The following CDKL4 variants were observed in gnomAD, a reference collection of about 807,000 sequenced individuals.
CDKL4 encodes the protein cyclin dependent kinase like 4.
CDKL4 carries 44 observed loss-of-function variants against 42.0 expected under a neutral mutation model. The observed-to-expected ratio is 1.05, with a 90% CI of 0.82 to 1.35. The LOEUF (loss-of-function observed/expected upper bound fraction) is 1.35, where lower values mean the gene tolerates loss of function less well. Ranked by LOEUF, CDKL4 falls within the 40% of genes most tolerant of loss-of-function variation. The probability of loss-of-function intolerance (pLI) is 0.00; values close to 1 mark genes in which losing one functional copy is unlikely to be tolerated. For missense variants in CDKL4, 393 were observed against 369.9 expected (o/e 1.06, Z -0.51); for synonymous variants, 120 against 121.6 (o/e 0.99, Z 0.09).
chr2:39,190,188 C>T, intron 6 of CDKL4, 117 bp downstream of exon 6: 1 of 708,830 alleles, frequency 1.4e-6, no homozygotes, highest in Non-Finnish European at 2.2e-6. Flanking sequence ...CTGAGTGACA[C>T]TTTGAAGAAG....
At chr2:39,174,536 C>T (rs1330682807), downstream of CDKL4, among the ~76,000 whole-genome samples, 1 of 152,144 alleles carries the variant, frequency 6.6e-6, no homozygotes. Context: ...GACTTTTAGA[C>T]ACGAACATAG....
At chr2:39,241,364 C>A (rs1239772598) in intron 1 of CDKL4, among the ~76,000 whole-genome samples, 1 of 152,180 alleles carries the variant, frequency 6.6e-6, no homozygotes, top group Non-Finnish European at 1.5e-5. Context: ...TTATTGCCAG[C>A]TTGAAATTAT....
At chr2:39,221,738 G>A (rs947486030) in intron 3 of CDKL4, among the ~76,000 whole-genome samples, 4 of 152,194 alleles carry the variant, frequency 2.6e-5, no homozygotes, top group African/African-American at 9.7e-5. Flanking sequence ...TTCAACAGAG[G>A]AGTTGCTTGA....
At chr2:39,236,785 T>A (rs1467316452) in intron 1 of CDKL4, among the ~76,000 whole-genome samples, 1 of 151,986 alleles carries the variant, frequency 6.6e-6, no homozygotes, top group Non-Finnish European at 1.5e-5. Context: ...ACAAAATTAG[T>A]CAAGTTGGTT....
At chr2:39,229,028 C>A (rs1042520977) in intron 2 of CDKL4, among the ~76,000 whole-genome samples, 1 of 152,000 alleles carries the variant, frequency 6.6e-6, no homozygotes, top group South Asian at 2.1e-4. Context: ...CCAGGAGGTG[C>A]TCTTTTAGTT....
intron 3 of CDKL4, among the ~76,000 whole-genome samples, chr2:39,221,761 C>G (rs538575568): frequency 1.3e-5 from 2 of 152,338 alleles, no homozygotes; most frequent in Admixed American, 1.3e-4. Context: ...ATGCCTTGCT[C>G]TTTCTTGTGT....
At chr2:39,187,754 A>G (rs754121328) in intron 6 of CDKL4, 45 bp from the exon 7 acceptor site, 3 of 1,386,524 alleles carry the variant, frequency 2.2e-6, no homozygotes, top group Non-Finnish European at 3.1e-6. Flanking sequence ...TTGGCAAAGA[A>G]TAATCAAGTG....
At chr2:39,228,310 T>C (rs1483339867) in intron 2 of CDKL4, among the ~76,000 whole-genome samples, 1 of 152,174 alleles carries the variant, frequency 6.6e-6, no homozygotes, top group Non-Finnish European at 1.5e-5. Flanking sequence ...GAGTGAACTT[T>C]TTTTTATCAT....
intron 1 of CDKL4, among the ~76,000 whole-genome samples, chr2:39,230,152 G>A (rs1679011296): frequency 1.3e-5 from 2 of 152,200 alleles, no homozygotes; most frequent in African/African-American, 4.8e-5. Flanking sequence ...GGCCAAGGTG[G>A]GTGGATCACC....
intron 2 of CDKL4, among the ~76,000 whole-genome samples, chr2:39,227,431 G>T (rs918759270): frequency 1.3e-5 from 2 of 152,160 alleles, no homozygotes; most frequent in Non-Finnish European, 2.9e-5. Context: ...CTAAAACTGT[G>T]TGCCTGCTGC....
downstream of CDKL4, among the ~76,000 whole-genome samples, chr2:39,175,431 T>C (rs936110922): frequency 6.6e-6 from 1 of 152,216 alleles, no homozygotes; most frequent in African/African-American, 2.4e-5. Context: ...CAATGCCTCA[T>C]GAGACAGACA....
chr2:39,210,748 A>G (rs1023676167), intron 4 of CDKL4, among the ~76,000 whole-genome samples: 6 of 152,220 alleles, frequency 3.9e-5, no homozygotes, highest in Admixed American at 1.3e-4. Context: ...CTCCTATAGC[A>G]TGGTGGAAAG....
chr2:39,205,490 G>C (rs911594056), intron 4 of CDKL4, among the ~76,000 whole-genome samples: 2 of 152,044 alleles, frequency 1.3e-5, no homozygotes, highest in African/African-American at 4.8e-5. Flanking sequence ...AGCCGGGCTC[G>C]GTGGCTCGCG....
intron 1 of CDKL4, among the ~76,000 whole-genome samples, chr2:39,231,538 G>A (rs908798368): frequency 6.6e-6 from 1 of 152,094 alleles, no homozygotes; most frequent in African/African-American, 2.4e-5. Flanking sequence ...GAATGAATTC[G>A]ATTTCCTCTC....
chr2:39,200,978 A>T (rs1348840133), intron 5 of CDKL4, among the ~76,000 whole-genome samples: 3 of 152,216 alleles, frequency 2.0e-5, no homozygotes, highest in Non-Finnish European at 4.4e-5. Context: ...ATGGAACTTA[A>T]ACTAAAAAAG....
chr2:39,173,743 GAGC>G (rs1369971122), downstream of CDKL4, among the ~76,000 whole-genome samples: 1 of 151,090 alleles, frequency 6.6e-6, no homozygotes, highest in African/African-American at 2.4e-5. Context: ...CCGGGAGGCG[GAGC>G]AGCTTGCAGT....
At chr2:39,220,785 C>T (rs1444644981) in intron 3 of CDKL4, among the ~76,000 whole-genome samples, 1 of 149,946 alleles carries the variant, frequency 6.7e-6, no homozygotes, top group African/African-American at 2.5e-5. Flanking sequence ...CAGGGTTCCA[C>T]CATGTTGGCC....
intron 4 of CDKL4, among the ~76,000 whole-genome samples, chr2:39,208,106 TA>T (rs947578740): frequency 1.3e-5 from 2 of 151,312 alleles, no homozygotes; most frequent in Non-Finnish European, 2.9e-5. Context: ...TGTCTCAAAA[TA>T]AATAAATAAA....
chr2:39,178,706 C>A (rs963381737), intron 9 of CDKL4: 2 of 1,609,400 alleles, frequency 1.2e-6, no homozygotes, highest in Non-Finnish European at 1.7e-6. Flanking sequence ...TCCTTTGTAC[C>A]TGGCAGATCT....
Sources: gnomAD v4.1 joint callset for allele counts (sites outside exome capture counted in the v4.1 genomes callset) on GRCh38, gnomAD v4.1.1 for gene constraint, MANE v1.5 for transcripts, NCBI Gene and HGNC (gene_info 2026-07-23, HGNC 2026-07-21) for gene names.